Variants in ACOXL observed in about 807,000 individuals in gnomAD.
ACOXL encodes the protein acyl-CoA oxidase like, also known as acyl-coenzyme A oxidase-like protein.
ACOXL carries 70 observed loss-of-function variants against 71.9 expected under a neutral mutation model. The ratio of observed to expected loss-of-function variants is 0.97; its 90% CI spans 0.80 to 1.19. The LOEUF (loss-of-function observed/expected upper bound fraction) is 1.19. ACOXL is among the 50% of genes most tolerant of loss of function. The pLI, the probability that ACOXL is intolerant of heterozygous loss-of-function variation, is 0.00. For synonymous variants in ACOXL, 253 were observed against 281.6 expected (o/e 0.90, Z 1.02); for missense variants, 703 against 736.3 (o/e 0.95, Z 0.52).
intron 1 of ACOXL, among the ~76,000 whole-genome samples, chr2:110,767,947 CA>C (rs1681319613): frequency 1.3e-5 from 2 of 149,888 alleles, no homozygotes; most frequent in Non-Finnish European, 3.0e-5. Flanking sequence ...CACACACACA[CA>C]CACACACACA....
At chr2:111,028,614 G>A (rs1163243535) in intron 14 of ACOXL, among the ~76,000 whole-genome samples, 1 of 152,074 alleles carries the variant, frequency 6.6e-6, no homozygotes, top group South Asian at 2.1e-4. Flanking sequence ...TAAGTATGAT[G>A]TTAGCTGACA....
At chr2:111,107,486 TTTG>T (rs1042144146) in intron 17 of ACOXL, among the ~76,000 whole-genome samples, 6 of 152,168 alleles carry the variant, frequency 3.9e-5, no homozygotes, top group Admixed American at 1.3e-4. Flanking sequence ...TTTTTTGGTT[TTTG>T]TTGTTGTTGT....
At chr2:111,112,649 C>G (rs903535073) in intron 17 of ACOXL, among the ~76,000 whole-genome samples, 19 of 152,320 alleles carry the variant, frequency 1.2e-4, no homozygotes, top group African/African-American at 4.6e-4. Flanking sequence ...AGAATAGGTG[C>G]AGGTTAACTA....
chr2:111,022,272 G>A (rs1256184422), intron 14 of ACOXL, among the ~76,000 whole-genome samples: 1 of 152,164 alleles, frequency 6.6e-6, no homozygotes, highest in African/African-American at 2.4e-5. Flanking sequence ...GGCCAAGGCT[G>A]GAGAATCGCT....
At chr2:110,837,218 C>T (rs1690565425) in intron 9 of ACOXL, among the ~76,000 whole-genome samples, 1 of 152,136 alleles carries the variant, frequency 6.6e-6, no homozygotes. Flanking sequence ...TTCCTGGTCT[C>T]TCCTTTTCAC....
intron 15 of ACOXL, among the ~76,000 whole-genome samples, chr2:111,042,955 G>A (rs2065852685): frequency 6.6e-6 from 1 of 152,230 alleles, no homozygotes; most frequent in Admixed American, 6.5e-5. Flanking sequence ...AGGAGCAGTG[G>A]CCCATTGCCA....
chr2:110,965,442 C>G (rs928105592), intron 12 of ACOXL, among the ~76,000 whole-genome samples: 19 of 152,048 alleles, frequency 1.2e-4, no homozygotes, highest in African/African-American at 4.6e-4. Context: ...TTTATAGTGG[C>G]TGTACTAATT....
chr2:110,943,723 TC>T (rs2149380497), intron 12 of ACOXL, among the ~76,000 whole-genome samples: 1 of 152,274 alleles, frequency 6.6e-6, no homozygotes, highest in Admixed American at 6.5e-5. Flanking sequence ...AACCTGACCT[TC>T]CTACGGATTC....
chr2:110,769,835 A>AAAAAT (rs535758128), intron 2 of ACOXL, among the ~76,000 whole-genome samples: 28 of 152,116 alleles, frequency 1.8e-4, no homozygotes, highest in Non-Finnish European at 3.1e-4. Context: ...CTCTGTCTCA[A>AAAAAT]AAAATAAAAT....
At chr2:111,052,154 C>T (rs1475550736) in intron 16 of ACOXL, among the ~76,000 whole-genome samples, 1 of 152,142 alleles carries the variant, frequency 6.6e-6, no homozygotes, top group African/African-American at 2.4e-5. Context: ...CCAGGAAAAG[C>T]AGGAGGGACA....
chr2:111,117,608 T>C lies in ACOXL; in HGVS notation c.1543-8T>C. 1 of 1,551,748 alleles carries C rather than the reference T, an allele frequency of 6.4e-7. No homozygotes were observed. The highest frequency in any genetic ancestry group is 8.7e-7 in the Non-Finnish European group (1 of 1,146,994). ...ATCTGACCTGTCCCATTGTGTTGTG[T>C]TTTGCAGTTGCTGGATTTGTGCGAC... On this transcript the variant is annotated splice_polypyrimidine_tract_variant and splice_region_variant and intron_variant, in intron 17 of 17. Coordinates refer to ENST00000439055, the MANE Select transcript of ACOXL (RefSeq NM_001142807.4).
intron 16 of ACOXL, among the ~76,000 whole-genome samples, chr2:111,067,529 G>C (rs1005173723): frequency 6.6e-6 from 1 of 152,144 alleles, no homozygotes; most frequent in Non-Finnish European, 1.5e-5. Flanking sequence ...GACTCGCTTA[G>C]TCAAGAGAAG....
At chr2:111,088,629 C>G (rs781299256) in intron 16 of ACOXL, among the ~76,000 whole-genome samples, 2 of 152,028 alleles carry the variant, frequency 1.3e-5, no homozygotes, top group African/African-American at 2.4e-5. Context: ...CGGGGCCAAC[C>G]TTAGGGTGCA....
At chr2:110,975,947 T>C (rs2062424276) in intron 12 of ACOXL, among the ~76,000 whole-genome samples, 1 of 152,048 alleles carries the variant, frequency 6.6e-6, no homozygotes, top group African/African-American at 2.4e-5. Context: ...ATAATCAGTC[T>C]AAAATCTACA....
At chr2:110,758,869 C>T (rs1680023231) in intron 1 of ACOXL, among the ~76,000 whole-genome samples, 1 of 152,160 alleles carries the variant, frequency 6.6e-6, no homozygotes, top group Non-Finnish European at 1.5e-5. Flanking sequence ...GATTCTGGTA[C>T]ATCATTTCTT....
At chr2:110,900,773 C>T (rs187968788) in intron 10 of ACOXL, among the ~76,000 whole-genome samples, 5 of 152,266 alleles carry the variant, frequency 3.3e-5, no homozygotes, top group Admixed American at 2.6e-4. Context: ...TGGGTTAGAC[C>T]CACTTTTGTT....
At chr2:110,851,763 C>T (rs1041557305) in intron 10 of ACOXL, among the ~76,000 whole-genome samples, 1 of 152,234 alleles carries the variant, frequency 6.6e-6, no homozygotes, top group Admixed American at 6.5e-5. Flanking sequence ...AGGCCATGTT[C>T]CTGAAGGCAT....
chr2:110,745,464 TG>T (rs1678083000), intron 1 of ACOXL, among the ~76,000 whole-genome samples: 2 of 151,550 alleles, frequency 1.3e-5, no homozygotes, highest in African/African-American at 4.9e-5. Context: ...GCAGAGGGAG[TG>T]GGTGTCTGCA....
At chr2:111,081,393 C>A (rs2067910787) in intron 16 of ACOXL, among the ~76,000 whole-genome samples, 1 of 152,060 alleles carries the variant, frequency 6.6e-6, no homozygotes, top group Non-Finnish European at 1.5e-5. Context: ...AAACAGAGAG[C>A]CAAATCATGA....
Sources: allele counts gnomAD v4.1 joint callset (sites outside exome capture counted in the v4.1 genomes callset), GRCh38; gene constraint gnomAD v4.1.1; transcripts MANE v1.5; gene names NCBI Gene and HGNC (gene_info 2026-07-23, HGNC 2026-07-21).